STIM1: variants seen among roughly 807,000 people sequenced by gnomAD.
STIM1 encodes stromal interaction molecule 1.
A neutral mutation model predicts 74.7 loss-of-function variants in STIM1; 25 were observed. The ratio of observed to expected loss-of-function variants is 0.33; its 90% CI spans 0.24 to 0.47. The LOEUF (loss-of-function observed/expected upper bound fraction) is 0.47, where lower values mean the gene tolerates loss of function less well. Ranked by LOEUF, STIM1 falls within the 20% of genes least tolerant of loss-of-function variation. The probability of loss-of-function intolerance (pLI) is 1.00; values close to 1 mark genes in which losing one functional copy is unlikely to be tolerated. For missense variants in STIM1, 728 were observed against 920.8 expected, an observed-to-expected ratio of 0.79 and a Z score of 2.71; for synonymous variants, 328 against 348.8, an observed-to-expected ratio of 0.94 and a Z score of 0.66.
At chr11:4,037,891 C>G (rs1416928534) in intron 3 of STIM1, among the ~76,000 whole-genome samples, 1 of 151,946 alleles carries the variant, frequency 6.6e-6, no homozygotes, top group African/African-American at 2.4e-5. Context: ...TCTTTAATTC[C>G]TTTTCCTACC....
intron 2 of STIM1, among the ~76,000 whole-genome samples, chr11:4,010,834 A>T (rs2093828701): frequency 6.6e-6 from 1 of 152,032 alleles, no homozygotes; most frequent in African/African-American, 2.4e-5. Flanking sequence ...GTTGTCATTT[A>T]CATTAGGTAT....
At chr11:3,896,086 A>G (rs953202645) in intron 1 of STIM1, among the ~76,000 whole-genome samples, 5 of 151,564 alleles carry the variant, frequency 3.3e-5, no homozygotes, top group African/African-American at 1.2e-4. Flanking sequence ...TTGTATTTTT[A>G]GTAGAGACGG....
At chr11:4,055,720 T>C (rs1166261431) in intron 4 of STIM1, 83 bp downstream of exon 4, 15 of 1,028,262 alleles carry the variant, frequency 1.5e-5, no homozygotes, top group Non-Finnish European at 2.2e-5. Flanking sequence ...CTCTGGCCAG[T>C]TAAGTGAGGT....
intron 1 of STIM1, among the ~76,000 whole-genome samples, chr11:3,941,657 T>C (rs1455194083): frequency 1.4e-5 from 1 of 70,492 alleles, no homozygotes; most frequent in Non-Finnish European, 2.7e-5. Context: ...TGTATACATA[T>C]ATATATATAT....
intron 11 of STIM1, among the ~76,000 whole-genome samples, chr11:4,085,373 A>C (rs761275609): frequency 6.6e-6 from 1 of 151,984 alleles, no homozygotes; most frequent in Non-Finnish European, 1.5e-5. Context: ...AAAGGTCTGC[A>C]CTCTCTTTTA....
chr11:4,005,140 G>A (rs1328891115), intron 2 of STIM1, among the ~76,000 whole-genome samples: 1 of 152,220 alleles, frequency 6.6e-6, no homozygotes. Flanking sequence ...TGGTGGGACT[G>A]TAAACTAGTT....
intron 1 of STIM1, among the ~76,000 whole-genome samples, chr11:3,922,205 C>T (rs1590567836): frequency 6.6e-6 from 1 of 151,814 alleles, no homozygotes; most frequent in East Asian, 1.9e-4. Context: ...TTATTTTAGC[C>T]ATTCTAGTGA....
At chr11:3,873,379 T>C (rs1254383613) in intron 1 of STIM1, among the ~76,000 whole-genome samples, 3 of 149,448 alleles carry the variant, frequency 2.0e-5, no homozygotes, top group Non-Finnish European at 4.4e-5. Context: ...GATTGCGCCA[T>C]TGCACTCCAG....
rs201244515 is a variant in STIM1, at chr11:4,015,801, A to G, written c.271-8072A>G. On this transcript the variant is annotated intron_variant, in intron 2 of 12. Transcript: ENST00000526596. ...CTTTATTTCATTAATTTGATCTTCAATCACTGATATCTTTTTTTCCGCTTG... is the reference window on the plus strand; with the variant it reads ...CTTTATTTCATTAATTTGATCTTCAGTCACTGATATCTTTTTTTCCGCTTG... Among the ~76,000 whole-genome samples the G allele has an allele frequency of 2.1e-4, 32 of 152,162 alleles. No homozygotes were observed. The East Asian group carries it at 5.2e-3, about 25-fold the overall frequency.
At chr11:3,896,059 C>G (rs1590540002) in intron 1 of STIM1, among the ~76,000 whole-genome samples, 1 of 151,636 alleles carries the variant, frequency 6.6e-6, no homozygotes, top group Non-Finnish European at 1.5e-5. Context: ...CGCCCACCAC[C>G]ACACCCGGCT....
At chr11:4,073,642 G>A (rs984421747) in intron 6 of STIM1, among the ~76,000 whole-genome samples, 8 of 152,188 alleles carry the variant, frequency 5.3e-5, no homozygotes, top group South Asian at 2.1e-4. Flanking sequence ...ATAGATAGCC[G>A]TGTGGAGGAA....
intron 1 of STIM1, among the ~76,000 whole-genome samples, chr11:3,871,069 C>T (rs1366425123): frequency 3.3e-5 from 5 of 151,866 alleles, no homozygotes; most frequent in Admixed American, 3.3e-4. Context: ...GACGGGGTTT[C>T]ACCATGTTAG....
intron 1 of STIM1, among the ~76,000 whole-genome samples, chr11:3,859,554 A>C (rs888221246): frequency 6.6e-6 from 1 of 152,186 alleles, no homozygotes; most frequent in Non-Finnish European, 1.5e-5. Flanking sequence ...CTAATCAGGA[A>C]CTGTGGTTTA....
chr11:4,029,529 A>G (rs1466610692), intron 3 of STIM1, among the ~76,000 whole-genome samples: 1 of 131,394 alleles, frequency 7.6e-6, no homozygotes, highest in Non-Finnish European at 1.6e-5. Flanking sequence ...AATGGTCCCA[A>G]TCTGAGTGAG....
chr11:4,042,245 C>T (rs2094153779), intron 3 of STIM1, among the ~76,000 whole-genome samples: 1 of 152,186 alleles, frequency 6.6e-6, no homozygotes, highest in Admixed American at 6.5e-5. Context: ...GTATGCCCTT[C>T]CCCCAAATGT....
chr11:3,997,715 T>C (rs1012993497), intron 2 of STIM1, among the ~76,000 whole-genome samples: 1 of 152,184 alleles, frequency 6.6e-6, no homozygotes, highest in African/African-American at 2.4e-5. Context: ...TCATTATCAT[T>C]GGGAATTGGG....
Position 4,086,554 on chromosome 11 carries a change from G to A in STIM1, c.1634+11G>A, listed in dbSNP as rs199732479. On this transcript the variant is annotated intron_variant, in intron 12 of 12. Transcript: ENST00000526596. ...CCTGGGATCTCAGAGGTTGGTAGAG[G>A]GCGAGGCTGGCCACTTCTTGACAAG... 1.8e-4 allele frequency: 289 copies of A among 1,613,866 alleles called. 1 individual carries two copies. Among genetic ancestry groups the A allele is most frequent in the Admixed American group, 3.8e-4 (23 of 59,998 alleles).
At chr11:3,966,228 A>G (rs2093339765) in intron 1 of STIM1, among the ~76,000 whole-genome samples, 2 of 152,160 alleles carry the variant, frequency 1.3e-5, no homozygotes, top group Admixed American at 1.3e-4. Flanking sequence ...GCTGCCTTTG[A>G]CTTTGGCACA....
intron 8 of STIM1, 137 bp from the exon 9 acceptor site, chr11:4,082,745 T>C: frequency 2.8e-6 from 2 of 721,100 alleles, no homozygotes; most frequent in Non-Finnish European, 4.8e-6. Context: ...TTTCTCTTTT[T>C]CCTCTTTCTC....
Sources: gnomAD v4.1 joint callset for allele counts (sites outside exome capture counted in the v4.1 genomes callset) on GRCh38, gnomAD v4.1.1 for gene constraint, MANE v1.5 for transcripts, NCBI Gene and HGNC (gene_info 2026-07-23, HGNC 2026-07-21) for gene names.